NAV3: variants seen among roughly 807,000 people sequenced by gnomAD.
NAV3 encodes the protein neuron navigator 3.
Under a neutral mutation model 244.7 loss-of-function variants are expected in NAV3, and 87 were observed. That is an observed-to-expected ratio of 0.36 (90% CI 0.30 to 0.42). NAV3 has a LOEUF of 0.42. Ranked by LOEUF, NAV3 falls within the 20% of genes least tolerant of loss-of-function variation. NAV3 has a pLI of 1.00. For missense variants in NAV3, 2,663 were observed against 2,893.3 expected, an observed-to-expected ratio of 0.92 and a Z score of 1.83; for synonymous variants, 1,126 against 1,042.2, an observed-to-expected ratio of 1.08 and a Z score of -1.55.
intron 2 of NAV3, among the ~76,000 whole-genome samples, chr12:77,654,067 C>T (rs1687759): frequency 0.024 from 3,608 of 152,272 alleles, 28 homozygotes; most frequent in Middle Eastern, 0.044. Flanking sequence ...TCTGAGGTAC[C>T]GGGTTCATCT....
chr12:77,809,422 A>T (rs554824544), intron 2 of NAV3, among the ~76,000 whole-genome samples: 1 of 152,256 alleles, frequency 6.6e-6, no homozygotes, highest in South Asian at 2.1e-4. Context: ...TGGCTAGGGG[A>T]GGGAGTTCCT....
At chr12:78,145,494 T>C (rs1173185187) in intron 20 of NAV3, among the ~76,000 whole-genome samples, 1 of 152,352 alleles carries the variant, frequency 6.6e-6, no homozygotes, top group South Asian at 2.1e-4. Flanking sequence ...GATCTGCTTA[T>C]GGCAATAAGC....
intron 34 of NAV3, among the ~76,000 whole-genome samples, chr12:78,193,245 C>T (rs1959060396): frequency 6.6e-6 from 1 of 152,178 alleles, no homozygotes; most frequent in East Asian, 1.9e-4. Context: ...ACACTTCAAG[C>T]CCTCCCTCAA....
intron 4 of NAV3, 48 bp downstream of exon 4, chr12:77,966,349 A>G: frequency 6.8e-7 from 1 of 1,478,778 alleles, no homozygotes; most frequent in Middle Eastern, 1.8e-4. Flanking sequence ...CAATGTTTTT[A>G]AATTATTTTT....
chr12:77,652,153 G>A (rs1872854427), intron 2 of NAV3, among the ~76,000 whole-genome samples: 1 of 152,124 alleles, frequency 6.6e-6, no homozygotes, highest in East Asian at 1.9e-4. Flanking sequence ...GAAACTGGAA[G>A]TACTCAGAAC....
intron 2 of NAV3, among the ~76,000 whole-genome samples, chr12:77,692,054 G>A (rs973060215): frequency 2.0e-5 from 3 of 151,936 alleles, no homozygotes; most frequent in Non-Finnish European, 4.4e-5. Context: ...CCCTGTATTT[G>A]TATAAAGGTT....
intron 5 of NAV3, among the ~76,000 whole-genome samples, chr12:77,976,674 C>CTTTTTTTTTTTTTTTTTTTTTTTTTTTT (rs869041498): frequency 1.2e-5 from 1 of 83,430 alleles, no homozygotes; most frequent in Non-Finnish European, 2.3e-5. Context: ...TTCTTTTTTT[C>CTTTTTTTTTTTTTTTTTTTTTTTTTTTT]TTTTTTTTTT....
At chr12:78,007,565 T>G in intron 8 of NAV3, 120 bp downstream of exon 8, 1 of 1,112,868 alleles carries the variant, frequency 9.0e-7, no homozygotes, top group Non-Finnish European at 1.2e-6. Flanking sequence ...TAAAGTTTCA[T>G]GCTAAAGATA....
In NAV3 at chr12:78,185,695, A is replaced by G. The variant is rs1958683456; in HGVS notation, c.5787A>G (p.Ala1929=). The G allele has an allele frequency of 1.2e-6, 2 of 1,606,984 alleles. No individual in the cohort carries two copies. Among genetic ancestry groups the G allele is most frequent in the South Asian group, 2.2e-5 (2 of 90,824 alleles). The change falls in exon 31 of 40, where the codon GCA becomes GCG. Residue 1929 remains alanine, a synonymous_variant. Coordinates refer to ENST00000397909, the MANE Select transcript of NAV3 (RefSeq NM_001024383.2). ...CCATAAGCAAGGGCTATGGTCGAGC[A>G]AAGGTACTTCTTTAATCTTAAACTC... ...IVSISKGYGR[A]KDQKSQAYLI...
chr12:78,205,094 A>T lies in NAV3; in HGVS notation c.6994A>T (p.Thr2332Ser), dbSNP rs754473806. 5.0e-6 allele frequency: 8 copies of T among 1,613,368 alleles called. No homozygotes were observed. Among genetic ancestry groups the T allele is most frequent in the Non-Finnish European group, 6.8e-6 (8 of 1,179,714 alleles). The change falls in exon 39 of 40, where the codon ACC (threonine) becomes TCC (serine). Residue 2332 changes from threonine (T) to serine (S), a missense_variant. Transcript: ENST00000397909. ...ESCTSTKEATTSKHIPQTDTE... is the reference protein window; with the variant it reads ...ESCTSTKEATSSKHIPQTDTE... ...CTGCACATCCACTAAGGAAGCCACA[A>T]CCTCAAAGCACATTCCGCAAACTGA... is the stretch of plus-strand genomic sequence containing the variant.
intron 2 of NAV3, among the ~76,000 whole-genome samples, chr12:77,590,959 C>G (rs1869877828): frequency 6.6e-6 from 1 of 152,144 alleles, no homozygotes; most frequent in Non-Finnish European, 1.5e-5. Flanking sequence ...TGTGAAGACT[C>G]TTGTATAGTA....
intron 23 of NAV3, among the ~76,000 whole-genome samples, chr12:78,161,417 A>G (rs189843141): frequency 1.3e-5 from 2 of 152,248 alleles, no homozygotes; most frequent in Admixed American, 6.5e-5. Context: ...AGTCAAAATT[A>G]ATAGAATTTT....
intron 1 of NAV3, among the ~76,000 whole-genome samples, chr12:77,927,237 A>G (rs1202293612): frequency 6.6e-6 from 1 of 152,228 alleles, no homozygotes. Flanking sequence ...ACAGACTGTT[A>G]AGATGAATTC....
At chr12:78,117,834 A>G (rs986313549) in intron 13 of NAV3, among the ~76,000 whole-genome samples, 193 bp from the exon 14 acceptor site, 34 of 152,140 alleles carry the variant, frequency 2.2e-4, no homozygotes, top group Non-Finnish European at 4.0e-4. Context: ...TGTTTTCTGC[A>G]TGTATTTATT....
chr12:77,924,579 C>T (rs1018068972), intron 1 of NAV3, among the ~76,000 whole-genome samples: 5 of 152,036 alleles, frequency 3.3e-5, no homozygotes, highest in Non-Finnish European at 5.9e-5. Context: ...TTTGCACAGT[C>T]ATTAATTTTC....
intron 2 of NAV3, among the ~76,000 whole-genome samples, chr12:77,787,670 A>G (rs1241749489): frequency 6.6e-6 from 1 of 152,124 alleles, no homozygotes; most frequent in African/African-American, 2.4e-5. Context: ...TCTCCACCTG[A>G]TCCCTCCCAT....
chr12:77,602,609 G>A (rs957043752), intron 2 of NAV3, among the ~76,000 whole-genome samples: 3 of 151,840 alleles, frequency 2.0e-5, no homozygotes, highest in Non-Finnish European at 2.9e-5. Flanking sequence ...AATAAAAAAT[G>A]TTGTAAAGAG....
chr12:77,705,669 T>C (rs970345871), intron 2 of NAV3, among the ~76,000 whole-genome samples: 3 of 151,288 alleles, frequency 2.0e-5, no homozygotes, highest in African/African-American at 7.4e-5. Context: ...TCGCCTGGAT[T>C]GTTTGTTCCC....
chr12:78,032,123 C>A (rs1204510591), intron 9 of NAV3, among the ~76,000 whole-genome samples: 1 of 152,044 alleles, frequency 6.6e-6, no homozygotes, highest in Non-Finnish European at 1.5e-5. Context: ...GTTATGTAAC[C>A]CAGAAAAAAG....
Sources: allele counts gnomAD v4.1 joint callset (sites outside exome capture counted in the v4.1 genomes callset), GRCh38; gene constraint gnomAD v4.1.1; transcripts MANE v1.5; gene names NCBI Gene and HGNC (gene_info 2026-07-23, HGNC 2026-07-21).